LAMC2: variants seen among roughly 807,000 people sequenced by gnomAD.
LAMC2 encodes laminin subunit gamma 2.
In LAMC2, 97 loss-of-function variants were observed where a neutral mutation model predicts 140.2. That is an observed-to-expected ratio of 0.69 (90% CI 0.59 to 0.82). The LOEUF is 0.82. LAMC2 is among the 40% of genes least tolerant of loss of function. The probability of loss-of-function intolerance (pLI) is 0.00; values close to 1 mark genes in which losing one functional copy is unlikely to be tolerated. For synonymous variants in LAMC2, 513 were observed against 540.2 expected (o/e 0.95, Z 0.70); for missense variants, 1,402 against 1,476.1 (o/e 0.95, Z 0.82).
chr1:183,238,241 G>A (rs542552516), intron 18 of LAMC2, 66 bp from the exon 19 acceptor site: 7 of 1,121,866 alleles, frequency 6.2e-6, no homozygotes, highest in South Asian at 3.7e-5. Context: ...GAAGAGAAAT[G>A]TGTCAGAGTG....
downstream of LAMC2, chr1:183,248,294 C>T (rs920333237): frequency 2.2e-4 from 34 of 152,602 alleles, no homozygotes; most frequent in African/African-American, 7.2e-4. Flanking sequence ...AAAACTCTTG[C>T]CCATGACTAT....
intron 1 of LAMC2, among the ~76,000 whole-genome samples, chr1:183,188,603 T>A (rs570867926): frequency 6.6e-6 from 1 of 152,338 alleles, no homozygotes; most frequent in East Asian, 1.9e-4. Context: ...ACTTCAACCT[T>A]GTAGAGTTTT....
At chr1:183,198,329 G>A (rs1331900225) in intron 1 of LAMC2, among the ~76,000 whole-genome samples, 2 of 151,882 alleles carry the variant, frequency 1.3e-5, no homozygotes, top group Admixed American at 6.6e-5. Context: ...TATTTTAGTA[G>A]AGACAGGGTT....
rs201820165 is a variant in LAMC2, at chr1:183,239,525, G to A, written c.3031G>A (p.Ala1011Thr). ...TGATGCACAGAGGGCAAAGAATGGGGCCGGGGAGGCCCTGGAAATCTCCAG... is the reference window on the plus strand; with the variant it reads ...TGATGCACAGAGGGCAAAGAATGGGACCGGGGAGGCCCTGGAAATCTCCAG... ...AADAQRAKNGAGEALEISSEI... is the reference protein window; with the variant it reads ...AADAQRAKNGTGEALEISSEI... Residue 1011 changes from alanine to threonine, a missense_variant, in exon 20 of 23, where the codon GCC (alanine) becomes ACC (threonine). Physicochemically the swap from Ala to Thr is moderately conservative, Grantham distance 58. Around this residue, in one of 3 missense-constraint regions of LAMC2, gnomAD observed 670 missense variants for 667.2 expected, o/e 1.00. Coordinates refer to ENST00000264144, the MANE Select transcript of LAMC2 (RefSeq NM_005562.3). 5.0e-5 allele frequency: 80 copies of A among 1,613,698 alleles called. No homozygotes were observed. In the East Asian group the frequency reaches 1.7e-3, roughly 35 times the overall value.
At position 183,218,400 on chromosome 1, in the gene LAMC2, T is replaced by G. The variant is rs1424272888; in HGVS notation, c.415T>G (p.Cys139Gly). The G allele has an allele frequency of 6.2e-7, 1 of 1,613,982 alleles. No homozygotes were observed. Among genetic ancestry groups the G allele is most frequent in the Non-Finnish European group, 8.5e-7 (1 of 1,179,868 alleles). The change falls in exon 4 of 23, where the codon TGT (cysteine) becomes GGT (glycine). Residue 139 changes from cysteine to glycine, a missense_variant. Physicochemically the swap from Cys to Gly is radical, Grantham distance 159. Around this residue, in one of 3 missense-constraint regions of LAMC2, gnomAD observed 723 missense variants for 783.3 expected, o/e 0.92. Transcript: ENST00000264144. ...TTTCTTCTTCCCCAGAGACTCCAAG[T>G]GTGACTGTGACCCAGCTGGCATCGC... ...TQDQRLLDSK[C>G]DCDPAGIAGP...
At chr1:183,198,072 A>G (rs1658578334) in intron 1 of LAMC2, among the ~76,000 whole-genome samples, 1 of 152,060 alleles carries the variant, frequency 6.6e-6, no homozygotes, top group South Asian at 2.1e-4. Flanking sequence ...GCAGGAAAGG[A>G]AACACAGGGC....
At chr1:183,237,019 C>T (rs553669314) in intron 17 of LAMC2, among the ~76,000 whole-genome samples, 15 of 151,960 alleles carry the variant, frequency 9.9e-5, no homozygotes, top group Non-Finnish European at 1.9e-4. Context: ...CAAACTTATT[C>T]GATTAAGAAG....
intron 19 of LAMC2, 64 bp downstream of exon 19, chr1:183,238,485 T>C: frequency 1.0e-6 from 1 of 998,510 alleles, no homozygotes; most frequent in Admixed American, 1.7e-5. Flanking sequence ...CAATTTCCTT[T>C]GAATTCTCAT....
the LAMC2 span, among the ~76,000 whole-genome samples, chr1:183,256,731 C>G: frequency 2.0e-5 from 3 of 152,150 alleles, no homozygotes; most frequent in Non-Finnish European, 2.9e-5. Context: ...TACATCAATG[C>G]TCATCAGAAA....
rs1304647617 is a variant in LAMC2, at chr1:183,229,635, C to CAAA, written c.1714+1033_1714+1035dup. Among the ~76,000 whole-genome samples the CAAA allele has an allele frequency of 1.1e-3, 101 of 90,298 alleles. 1 individual carries two copies. Among genetic ancestry groups the CAAA allele is most frequent in the South Asian group, 8.9e-3 (22 of 2,484 alleles). The allele number at this position is 90,298 out of a possible 152,430, so 59.2% of individuals were successfully genotyped here. On this transcript the variant is annotated intron_variant, in intron 11 of 22. Transcript: ENST00000264144. ...CGGGCAACAGCGCAAGACTCCATCT[C>CAAA]AAAAAAAAAAAAAAAAAAAGTCCAG...
At chr1:183,221,073 T>C (rs189686249) in intron 5 of LAMC2, 112 bp downstream of exon 5, 4 of 1,019,226 alleles carry the variant, frequency 3.9e-6, no homozygotes, top group African/African-American at 3.2e-5. Flanking sequence ...AATTCTCTTA[T>C]AGTATTGAAT....
At position 183,186,357 on chromosome 1, in the gene LAMC2, C is replaced by T. The variant is rs780399805; in HGVS notation, c.5C>T (p.Pro2Leu). 30 of 1,601,166 alleles carry T rather than the reference C, an allele frequency of 1.9e-5. No homozygotes were observed. The highest frequency in any genetic ancestry group is 2.0e-5 in the Non-Finnish European group (23 of 1,178,594). The change falls in exon 1 of 23, where the codon CCT (proline) becomes CTT (leucine). Residue 2 changes from proline (P) to leucine (L), a missense_variant. Around this residue, in one of 3 missense-constraint regions of LAMC2, gnomAD observed 723 missense variants for 783.3 expected, o/e 0.92. Coordinates refer to ENST00000264144, the MANE Select transcript of LAMC2 (RefSeq NM_005562.3). Reference protein sequence around the residue: MPALWLGCCLCF... With the variant: MLALWLGCCLCF... Reference sequence around the variant, plus strand: ...ACTGAGCGGCCCGGCCCCGCCATGCCTGCGCTCTGGCTGGGCTGCTGCCTC... The same window carrying T: ...ACTGAGCGGCCCGGCCCCGCCATGCTTGCGCTCTGGCTGGGCTGCTGCCTC...
At chr1:183,225,777 C>T in intron 8 of LAMC2, 57 bp downstream of exon 8, 6 of 1,224,562 alleles carry the variant, frequency 4.9e-6, no homozygotes, top group Non-Finnish European at 1.2e-6. Flanking sequence ...TAATTTGATT[C>T]AGCTCTCTAA....
intron 5 of LAMC2, among the ~76,000 whole-genome samples, chr1:183,221,808 A>G (rs1025514688): frequency 3.3e-5 from 5 of 152,056 alleles, no homozygotes; most frequent in African/African-American, 1.2e-4. Flanking sequence ...ATATAAATAC[A>G]AAAAAATGCA....
intron 1 of LAMC2, among the ~76,000 whole-genome samples, chr1:183,196,328 G>A (rs917530718): frequency 2.6e-5 from 4 of 152,188 alleles, no homozygotes; most frequent in South Asian, 2.1e-4. Flanking sequence ...GTAGAGACAC[G>A]GTTTCACCAT....
intron 1 of LAMC2, among the ~76,000 whole-genome samples, chr1:183,190,896 A>G (rs1473238257): frequency 6.6e-6 from 1 of 152,214 alleles, no homozygotes; most frequent in South Asian, 2.1e-4. Flanking sequence ...TGGAAAGTAC[A>G]TCATTTTCAA....
At chr1:183,257,364 C>T in the LAMC2 span, among the ~76,000 whole-genome samples, 2 of 152,020 alleles carry the variant, frequency 1.3e-5, no homozygotes, top group African/African-American at 4.8e-5. Flanking sequence ...TCACTTGAAC[C>T]CGGGACGCGG....
intron 16 of LAMC2, among the ~76,000 whole-genome samples, 182 bp from the exon 17 acceptor site, chr1:183,236,278 A>G (rs973184567): frequency 1.3e-5 from 2 of 151,638 alleles, no homozygotes; most frequent in Non-Finnish European, 2.9e-5. Flanking sequence ...AGTCCCAGCT[A>G]CTTGGGAGGC....
At position 183,231,078 on chromosome 1, in the gene LAMC2, C is replaced by T. The variant is rs757443031; in HGVS notation, c.1832C>T (p.Ala611Val). ...NCEHGAFSCP[A>V]CYNQVKIQMD... ...GAGCATGGAGCATTCAGCTGTCCAG[C>T]TTGCTATAATCAAGTGAAGATTCAG... is the stretch of plus-strand genomic sequence containing the variant. Residue 611 changes from alanine (A) to valine (V), a missense_variant, in exon 12 of 23, where the codon GCT becomes GTT. This residue lies in a region of LAMC2 where 723 missense variants were observed against 783.3 expected (regional missense o/e 0.92). Transcript: ENST00000264144. 3.1e-6 allele frequency: 5 copies of T among 1,614,048 alleles called. No homozygotes were observed. In the African/African-American group the frequency reaches 6.7e-5, roughly 22 times the overall value.
Sources: gnomAD v4.1 joint callset for allele counts (sites outside exome capture counted in the v4.1 genomes callset) on GRCh38, gnomAD v4.1.1 for gene constraint, gnomAD v4.1.1 regional missense constraint, MANE v1.5 for transcripts, NCBI Gene and HGNC (gene_info 2026-07-23, HGNC 2026-07-21) for gene names.